Variants in IL1RAPL1 observed in about 807,000 individuals in gnomAD.
IL1RAPL1 encodes the protein interleukin-1 receptor accessory protein-like 1.
IL1RAPL1 carries 3 observed loss-of-function variants against 48.4 expected under a neutral mutation model. The ratio of observed to expected loss-of-function variants is 0.06; its 90% CI spans 0.03 to 0.16. The LOEUF (loss-of-function observed/expected upper bound fraction) is 0.16. IL1RAPL1 is among the 10% of genes least tolerant of loss of function. The pLI, the probability that IL1RAPL1 is intolerant of heterozygous loss-of-function variation, is 1.00. For synonymous variants in IL1RAPL1, 185 were observed against 187.7 expected (o/e 0.99, Z 0.12); for missense variants, 349 against 530.6 (o/e 0.66, Z 3.36).
At chrX:29,002,157 C>A in intron 2 of IL1RAPL1, among the ~76,000 whole-genome samples, 1 of 110,239 alleles carries the variant, frequency 9.1e-6, no homozygotes, top group East Asian at 2.8e-4. Context: ...ACCTTAGCCT[C>A]CCAAAGTGTT....
intron 6 of IL1RAPL1, among the ~76,000 whole-genome samples, chrX:29,906,867 T>TG (rs1172790965): frequency 9.1e-5 from 10 of 109,833 alleles, no homozygotes; most frequent in Admixed American, 3.9e-4. Context: ...CTAAATCTGG[T>TG]GGGGGGTGGA....
chrX:28,974,719 T>C (rs970528791), intron 2 of IL1RAPL1, among the ~76,000 whole-genome samples: 1 of 112,033 alleles, frequency 8.9e-6, no homozygotes, highest in African/African-American at 3.2e-5. Context: ...ATCTACGCCA[T>C]TTGGCTCATA....
intron 2 of IL1RAPL1, among the ~76,000 whole-genome samples, chrX:28,819,178 G>C (rs1936902277): frequency 9.0e-6 from 1 of 110,523 alleles, no homozygotes; most frequent in Admixed American, 9.7e-5. Context: ...TAAAAATAAT[G>C]AATTATTCCC....
At chrX:28,602,195 A>G (rs1438728619) in intron 1 of IL1RAPL1, among the ~76,000 whole-genome samples, 1 of 110,928 alleles carries the variant, frequency 9.0e-6, no homozygotes, top group Non-Finnish European at 1.9e-5. Flanking sequence ...ACAATACTCT[A>G]CTTGTGTGTA....
chrX:28,868,032 C>T (rs772986969), intron 2 of IL1RAPL1, among the ~76,000 whole-genome samples: 2 of 111,700 alleles, frequency 1.8e-5, no homozygotes, highest in East Asian at 5.6e-4. Context: ...CCTTCTTAAA[C>T]CTTGATATGT....
chrX:28,775,686 A>C (rs932960306), intron 1 of IL1RAPL1, among the ~76,000 whole-genome samples: 4 of 113,051 alleles, frequency 3.5e-5, no homozygotes, highest in Non-Finnish European at 7.5e-5. Context: ...AAGCCTTTAC[A>C]TGAATTGGCC....
intron 2 of IL1RAPL1, among the ~76,000 whole-genome samples, chrX:29,122,556 T>C (rs925191499): frequency 9.6e-6 from 1 of 104,244 alleles, no homozygotes; most frequent in Non-Finnish European, 1.9e-5. Context: ...AAGGGAAACA[T>C]TTGTATATTT....
At chrX:29,433,405 T>C (rs1351311861) in intron 5 of IL1RAPL1, among the ~76,000 whole-genome samples, 1 of 111,362 alleles carries the variant, frequency 9.0e-6, no homozygotes, top group Non-Finnish European at 1.9e-5. Flanking sequence ...ACCAATTTCC[T>C]GTGACATACA....
chrX:29,254,732 G>A (rs1931724567), intron 2 of IL1RAPL1, among the ~76,000 whole-genome samples: 1 of 111,258 alleles, frequency 9.0e-6, no homozygotes. Context: ...ATTGATGTTG[G>A]CAGCCTGACA....
rs1930889357 is a variant in IL1RAPL1, at chrX:29,831,986, A to AT, written c.779-85472dup. Among the ~76,000 whole-genome samples the AT allele has an allele frequency of 2.7e-5, 3 of 111,545 alleles. No homozygotes were observed. In the Admixed American group the frequency reaches 2.9e-4, roughly 11 times the overall value. ...TTCAGTTTTAGGTATTGCTTATATG[A>AT]TTTTTTCCATAATGCTGTCAACCCG... is the stretch of plus-strand genomic sequence containing the variant. On this transcript the variant is annotated intron_variant, in intron 6 of 10. Transcript: ENST00000378993.
chrX:29,177,797 A>G (rs774389625), intron 2 of IL1RAPL1, among the ~76,000 whole-genome samples: 1 of 110,739 alleles, frequency 9.0e-6, no homozygotes, highest in African/African-American at 3.3e-5. Context: ...CCTGTATCCA[A>G]GTGTTCTCAT....
chrX:28,908,976 C>A (rs1410616732), intron 2 of IL1RAPL1, among the ~76,000 whole-genome samples: 2 of 111,347 alleles, frequency 1.8e-5, no homozygotes, highest in Admixed American at 1.9e-4. Context: ...GATCTGAGGT[C>A]TACTTTATCT....
At chrX:29,377,029 T>G (rs1933633046) in intron 3 of IL1RAPL1, among the ~76,000 whole-genome samples, 1 of 112,233 alleles carries the variant, frequency 8.9e-6, no homozygotes, top group Non-Finnish European at 1.9e-5. Context: ...TTTATGAATC[T>G]GGGTGCTCCA....
At chrX:28,988,476 C>A (rs1019014873) in intron 2 of IL1RAPL1, among the ~76,000 whole-genome samples, 5 of 111,443 alleles carry the variant, frequency 4.5e-5, no homozygotes, top group Non-Finnish European at 9.4e-5. Flanking sequence ...CTCCTCCAAG[C>A]AGGCTGGAGA....
At chrX:29,294,542 G>T (rs1329555229) in intron 3 of IL1RAPL1, among the ~76,000 whole-genome samples, 1 of 108,154 alleles carries the variant, frequency 9.2e-6, no homozygotes, top group African/African-American at 3.4e-5. Context: ...AAGTAAAATT[G>T]TAAAAAATTT....
At chrX:29,787,345 T>C (rs1929521601) in intron 6 of IL1RAPL1, among the ~76,000 whole-genome samples, 1 of 112,175 alleles carries the variant, frequency 8.9e-6, no homozygotes. Context: ...GAATTCTGTA[T>C]AATTTAAAAG....
rs745348403 is a variant in IL1RAPL1 at position 28,975,896 on chromosome X, T to A, written c.82+186471T>A. On this transcript the variant is annotated intron_variant, in intron 2 of 10. Transcript: ENST00000378993. ...AGGGGAAGGAGATAAAGGATTGAGGTATTAGGATGTCTCAGGGAAGAGCAT... is the reference window on the plus strand; with the variant it reads ...AGGGGAAGGAGATAAAGGATTGAGGAATTAGGATGTCTCAGGGAAGAGCAT... 2.7e-5 allele frequency among the ~76,000 whole-genome samples: 3 copies of A among 111,551 alleles called. No homozygotes were observed. In the Admixed American group the frequency reaches 2.9e-4, roughly 11 times the overall value.
chrX:29,862,139 G>A (rs1437017762), intron 6 of IL1RAPL1, among the ~76,000 whole-genome samples: 1 of 104,797 alleles, frequency 9.5e-6, no homozygotes, highest in East Asian at 2.9e-4. Flanking sequence ...CAGCCTGGGC[G>A]ACAGAGCAAG....
intron 6 of IL1RAPL1, among the ~76,000 whole-genome samples, chrX:29,761,063 A>G (rs1928739837): frequency 8.9e-6 from 1 of 112,149 alleles, no homozygotes; most frequent in Non-Finnish European, 1.9e-5. Flanking sequence ...ACAAGAAAAC[A>G]CTGAAACAAG....
Sources: gnomAD v4.1 joint callset for allele counts (sites outside exome capture counted in the v4.1 genomes callset) on GRCh38, gnomAD v4.1.1 for gene constraint, MANE v1.5 for transcripts, NCBI Gene and HGNC (gene_info 2026-07-23, HGNC 2026-07-21) for gene names.